ZSCAN5A: variants seen among roughly 807,000 people sequenced by gnomAD.
ZSCAN5A encodes zinc finger and SCAN domain containing 5A, also known as zinc finger and SCAN domain-containing protein 5A.
ZSCAN5A carries 12 observed loss-of-function variants against 23.7 expected under a neutral mutation model. That is an observed-to-expected ratio of 0.51 (90% confidence interval 0.32 to 0.82). ZSCAN5A has a LOEUF of 0.82. ZSCAN5A is among the 40% of genes least tolerant of loss of function. ZSCAN5A has a pLI of 0.03. For synonymous variants in ZSCAN5A, 257 were observed against 239.9 expected, an observed-to-expected ratio of 1.07 and a Z score of -0.66; for missense variants, 597 against 617.9, an observed-to-expected ratio of 0.97 and a Z score of 0.36.
intron 2 of ZSCAN5A, among the ~76,000 whole-genome samples, chr19:56,310,639 C>T (rs1015492420): frequency 6.6e-6 from 1 of 152,230 alleles, no homozygotes; most frequent in Admixed American, 6.5e-5. Context: ...CCCAGTTGGA[C>T]TCATTCCAAA....
intron 2 of ZSCAN5A, among the ~76,000 whole-genome samples, chr19:56,292,819 T>C (rs2039608349): frequency 6.6e-6 from 1 of 152,230 alleles, no homozygotes; most frequent in South Asian, 2.1e-4. Flanking sequence ...TCGTACACGA[T>C]GTGGTCTTTT....
chr19:56,302,563 C>CT (rs150005575), intron 2 of ZSCAN5A, among the ~76,000 whole-genome samples: 5,436 of 92,798 alleles, frequency 0.059, 312 homozygotes, highest in African/African-American at 0.13. Context: ...CTCCCTCCCC[C>CT]CTTCCTTTTC....
intron 2 of ZSCAN5A, among the ~76,000 whole-genome samples, chr19:56,326,580 T>C (rs1461665960): frequency 6.6e-6 from 1 of 152,136 alleles, no homozygotes; most frequent in Non-Finnish European, 1.5e-5. Flanking sequence ...TCACGCAGTA[T>C]GTGGCTCTCT....
chr19:56,302,488 CCTT>C (rs1474471077), intron 2 of ZSCAN5A, among the ~76,000 whole-genome samples: 10 of 134,884 alleles, frequency 7.4e-5, no homozygotes, highest in Non-Finnish European at 7.9e-5. Context: ...TCCTTCCCAT[CCTT>C]CTTCCCTCTC....
rs144931793 is a variant in ZSCAN5A, at chr19:56,246,037, G to A, written c.-127-20864C>T. The stretch of plus-strand genomic sequence containing the variant: ...CTTCCAGTGTCAGGGGCAGGGAGAC[G>A]TTGGCACAGCGGGGAGAAATATGCT... On this transcript the variant is annotated intron_variant, in intron 2 of 5. Transcript: ENST00000683990. 1.2e-4 allele frequency among the ~76,000 whole-genome samples: 18 copies of A among 152,246 alleles called. No individual in the cohort carries two copies. The South Asian group carries it at 1.2e-3, about 11-fold the overall frequency.
chr19:56,319,852 A>G, intron 2 of ZSCAN5A: 1 of 790,734 alleles, frequency 1.3e-6, no homozygotes, highest in South Asian at 1.3e-5. Flanking sequence ...TCATTAGTAT[A>G]AAGAGCCGGC....
chr19:56,247,716 G>A (rs546529923), intron 2 of ZSCAN5A, among the ~76,000 whole-genome samples: 1 of 151,878 alleles, frequency 6.6e-6, no homozygotes, highest in East Asian at 1.9e-4. Flanking sequence ...TTTTGAGACG[G>A]AGTCTTGTTC....
intron 2 of ZSCAN5A, among the ~76,000 whole-genome samples, chr19:56,334,002 C>G (rs1568756706): frequency 6.6e-6 from 1 of 152,164 alleles, no homozygotes; most frequent in Non-Finnish European, 1.5e-5. Context: ...AAAGATTACA[C>G]TAGCTCTTCA....
At chr19:56,298,217 A>T (rs1452840075) in intron 2 of ZSCAN5A, 1 of 152,222 alleles carries the variant, frequency 6.6e-6, no homozygotes, top group African/African-American at 2.4e-5. Flanking sequence ...ATCATAGCAG[A>T]TCTTGCAGGT....
At chr19:56,242,859 A>G (rs1159989386) in intron 2 of ZSCAN5A, among the ~76,000 whole-genome samples, 2 of 151,948 alleles carry the variant, frequency 1.3e-5, no homozygotes, top group Non-Finnish European at 2.9e-5. Flanking sequence ...GCTCACTACA[A>G]CTTCCACCTC....
chr19:56,309,932 C>T (rs1472740695), intron 2 of ZSCAN5A, among the ~76,000 whole-genome samples: 1 of 151,868 alleles, frequency 6.6e-6, no homozygotes, highest in African/African-American at 2.4e-5. Flanking sequence ...TGGAACAGCC[C>T]GGTGGGAATA....
rs1272831201 is a variant in ZSCAN5A, at chr19:56,254,581, G to C, written c.-127-29408C>G. ...AATGAACATAGGAGTATGAGTTCCT[G>C]CTTCCAATTTTTTAGGTACATAAGC... On this transcript the variant is annotated intron_variant, in intron 2 of 5. Transcript: ENST00000683990. Among the ~76,000 whole-genome samples, 3 of 152,068 alleles carry C rather than the reference G, an allele frequency of 2.0e-5. No individual in the cohort carries two copies. In the East Asian group the frequency reaches 5.8e-4, roughly 29 times the overall value.
At chr19:56,254,166 T>G (rs1420305481) in intron 2 of ZSCAN5A, among the ~76,000 whole-genome samples, 2 of 152,050 alleles carry the variant, frequency 1.3e-5, no homozygotes, top group Non-Finnish European at 2.9e-5. Flanking sequence ...TGTACTCTAC[T>G]AGAATGTATA....
intron 2 of ZSCAN5A, among the ~76,000 whole-genome samples, chr19:56,344,690 TC>T (rs1266709225): frequency 6.1e-5 from 9 of 146,786 alleles, no homozygotes; most frequent in Middle Eastern, 3.7e-3. Flanking sequence ...GATCATGAGG[TC>T]AGGAGATCGA....
Position 56,284,193 on chromosome 19 carries a change from A to G in ZSCAN5A, c.-128+29090T>C, listed in dbSNP as rs1043428684. ...TGCTGACTCTCCTGGATGGGCTGCC[A>G]TCAGGGATCATAGGTAAGTACCTTG... On this transcript the variant is annotated intron_variant, in intron 2 of 5. Coordinates refer to ENST00000683990, the MANE Select transcript of ZSCAN5A (RefSeq NM_001322064.3). 22 of 985,232 alleles carry G rather than the reference A, an allele frequency of 2.2e-5. No homozygotes were observed. In the African/African-American group the frequency reaches 3.7e-4, roughly 16 times the overall value. The allele number at this position is 985,232 out of a possible 1,614,324, so 61.0% of individuals were successfully genotyped here.
intron 2 of ZSCAN5A, chr19:56,247,045 G>A (rs987609037): frequency 2.4e-6 from 2 of 834,544 alleles, no homozygotes; most frequent in African/African-American, 1.7e-5. Flanking sequence ...AGAAGCCAAG[G>A]AACTGCTGCC....
chr19:56,254,579 C>G (rs1408273735), intron 2 of ZSCAN5A, among the ~76,000 whole-genome samples: 1 of 152,028 alleles, frequency 6.6e-6, no homozygotes, highest in Non-Finnish European at 1.5e-5. Flanking sequence ...GTATGAGTTC[C>G]TGCTTCCAAT....
chr19:56,302,581 C>CCCTCTTCCTCCCTCCCTCCTCCTCCCTT (rs1555807488), intron 2 of ZSCAN5A, among the ~76,000 whole-genome samples: 1 of 39,990 alleles, frequency 2.5e-5, no homozygotes, highest in African/African-American at 1.7e-4. Flanking sequence ...TTCTTCCTCC[C>CCCTCTTCCTCCCTCCCTCCTCCTCCCTT]CCTTTTCTTC....
chr19:56,354,457 G>C (rs1420982640), intron 2 of ZSCAN5A: 5 of 152,192 alleles, frequency 3.3e-5, no homozygotes, highest in Non-Finnish European at 7.3e-5. Context: ...AACACCAGTT[G>C]GATTGATGGG....
Sources: allele counts gnomAD v4.1 joint callset (sites outside exome capture counted in the v4.1 genomes callset), GRCh38; gene constraint gnomAD v4.1.1; transcripts MANE v1.5; gene names NCBI Gene and HGNC (gene_info 2026-07-23, HGNC 2026-07-21).